Variants in SFSWAP observed in about 807,000 individuals in gnomAD.
The protein encoded by SFSWAP is splicing factor, suppressor of white-apricot homolog.
A neutral mutation model predicts 100.7 loss-of-function variants in SFSWAP; 17 were observed. That is an observed-to-expected ratio of 0.17 (90% CI 0.12 to 0.25). The LOEUF (loss-of-function observed/expected upper bound fraction) is 0.25. Among genes scored for constraint, SFSWAP ranks in the 10% least tolerant of loss-of-function variants. The pLI is 1.00. For synonymous variants in SFSWAP, 504 were observed against 510.1 expected (o/e 0.99, Z 0.16); for missense variants, 1,005 against 1,262.6 (o/e 0.80, Z 3.09).
Position 131,799,459 on chromosome 12 carries a change from T to C in SFSWAP, c.2827T>C (p.Ser943Pro). The C allele has an allele frequency of 6.2e-7, 1 of 1,614,124 alleles. No individual in the cohort carries two copies. Among genetic ancestry groups the C allele is most frequent in the Non-Finnish European group, 8.5e-7 (1 of 1,179,998 alleles). ...CAAAGTCAGAGCGATGCTTGCAGCT[T>C]CCAAAAACCTGCAAACCAGCGCTTC... Reference protein sequence around the residue: ...MAKVRAMLAASKNLQTSAS With the variant: ...MAKVRAMLAAPKNLQTSAS The change falls in exon 18 of 18, where the codon TCC becomes CCC. Residue 943 changes from serine (S) to proline (P), a missense_variant. Ser to Pro is a moderately conservative substitution (Grantham distance 74). Around this residue, in one of 7 missense-constraint regions of SFSWAP, gnomAD observed 295 missense variants for 347.9 expected, o/e 0.85. Transcript: ENST00000261674.
At chr12:131,743,383 C>T (rs925608630) in intron 7 of SFSWAP, among the ~76,000 whole-genome samples, 3 of 152,234 alleles carry the variant, frequency 2.0e-5, no homozygotes, top group Admixed American at 2.0e-4. Context: ...TGGGTAAATA[C>T]AACCGTCCAT....
chr12:131,760,684 G>T (rs1379322858), intron 11 of SFSWAP, among the ~76,000 whole-genome samples: 1 of 152,158 alleles, frequency 6.6e-6, no homozygotes, highest in Non-Finnish European at 1.5e-5. Flanking sequence ...CTTGGAAACA[G>T]TTATGGGAAA....
chr12:131,720,150 C>G (rs1047809942), intron 4 of SFSWAP, among the ~76,000 whole-genome samples: 3 of 152,152 alleles, frequency 2.0e-5, no homozygotes, highest in African/African-American at 7.2e-5. Flanking sequence ...TAAGTTATAA[C>G]AGGTGTTAAA....
chr12:131,779,771 C>CTTAT (rs1000850772), intron 14 of SFSWAP, among the ~76,000 whole-genome samples: 3 of 151,936 alleles, frequency 2.0e-5, no homozygotes, highest in Admixed American at 6.5e-5. Context: ...GCTTTCTTTA[C>CTTAT]TTATTTATTT....
intron 14 of SFSWAP, among the ~76,000 whole-genome samples, chr12:131,780,206 CGA>C (rs1185031197): frequency 1.3e-5 from 2 of 152,206 alleles, no homozygotes; most frequent in African/African-American, 4.8e-5. Context: ...TACATTTTTG[CGA>C]GTGTTTTAAA....
chr12:131,787,881 A>C (rs1245381751), intron 15 of SFSWAP, among the ~76,000 whole-genome samples: 1 of 152,230 alleles, frequency 6.6e-6, no homozygotes, highest in East Asian at 1.9e-4. Flanking sequence ...CTTAAAACAG[A>C]AAAATTAGCA....
At chr12:131,786,873 A>G (rs540922908) in intron 15 of SFSWAP, among the ~76,000 whole-genome samples, 2 of 152,274 alleles carry the variant, frequency 1.3e-5, no homozygotes, top group African/African-American at 2.4e-5. Context: ...CTGGGTCCAC[A>G]TGCAGCTGCT....
intron 3 of SFSWAP, among the ~76,000 whole-genome samples, chr12:131,715,620 C>A (rs554665869): frequency 1.3e-5 from 2 of 152,250 alleles, no homozygotes; most frequent in African/African-American, 4.8e-5. Flanking sequence ...ACTACCACAG[C>A]GCTGCATCAT....
At chr12:131,719,319 G>A (rs2136179894) in intron 3 of SFSWAP, 135 bp from the exon 4 acceptor site, 1 of 640,230 alleles carries the variant, frequency 1.6e-6, no homozygotes. Flanking sequence ...GAAAGCTGAA[G>A]ATGGCTTCTA....
chr12:131,753,133 A>T lies in SFSWAP; in HGVS notation c.1092A>T (p.Ala364=). Reference sequence around the variant, plus strand: ...AATGTGTCTCCACAGCGACCGTGGCAGCCATGTATTACAGCTACTACATGC... The same window carrying T: ...AATGTGTCTCCACAGCGACCGTGGCTGCCATGTATTACAGCTACTACATGC... The part of the protein sequence containing the change: ...QVEYTADSTV[A]AMYYSYYMLP... Residue 364 remains alanine (A), a synonymous_variant, in exon 8 of 18, where the codon GCA becomes GCT. Transcript: ENST00000261674. 1 of 1,614,186 alleles carries T rather than the reference A, an allele frequency of 6.2e-7. No individual in the cohort carries two copies. The highest frequency in any genetic ancestry group is 8.5e-7 in the Non-Finnish European group (1 of 1,180,022).
intron 8 of SFSWAP, 24 bp from the exon 9 acceptor site, chr12:131,754,344 G>A (rs1236486145): frequency 1.1e-5 from 16 of 1,500,526 alleles, no homozygotes; most frequent in African/African-American, 1.4e-5. Context: ...AAGCCCAGGG[G>A]TCTCACAGAC....
rs1879679294 is a variant in SFSWAP, at chr12:131,733,236, G to C, written c.1081+4808G>C. Among the ~76,000 whole-genome samples, 1 of 152,132 alleles carries C rather than the reference G, an allele frequency of 6.6e-6. No homozygotes were observed. Among genetic ancestry groups the C allele is most frequent in the African/African-American group, 2.4e-5 (1 of 41,426 alleles). ...CTTACTGGGCAGGTGCGTATCGTCA[G>C]GAGCTCCTCACCCTGCCCTGTGAGA... On this transcript the variant is annotated intron_variant, in intron 7 of 17. Coordinates refer to ENST00000261674, the MANE Select transcript of SFSWAP (RefSeq NM_004592.4). This position sits in a 1 kb window ranked among gnomAD's most constrained non-coding sequence, Gnocchi z 5.1.
At chr12:131,745,148 AG>A (rs1880996480) in intron 7 of SFSWAP, among the ~76,000 whole-genome samples, 1 of 152,228 alleles carries the variant, frequency 6.6e-6, no homozygotes, top group Non-Finnish European at 1.5e-5. Context: ...AATGCTTTTA[AG>A]TATTTGGGAG....
intron 7 of SFSWAP, among the ~76,000 whole-genome samples, chr12:131,740,957 CT>C (rs1354791623): frequency 2.1e-5 from 2 of 96,070 alleles, no homozygotes; most frequent in African/African-American, 3.6e-5. Context: ...CTTTTTTTTT[CT>C]TTTTTTTCTT....
intron 7 of SFSWAP, among the ~76,000 whole-genome samples, chr12:131,735,936 A>C (rs1245164626): frequency 6.6e-6 from 1 of 152,262 alleles, no homozygotes; most frequent in African/African-American, 2.4e-5. Context: ...ACATAATTAC[A>C]GTAAGTTTAA....
At chr12:131,720,723 A>G (rs541704660) in intron 4 of SFSWAP, among the ~76,000 whole-genome samples, 1 of 152,292 alleles carries the variant, frequency 6.6e-6, no homozygotes, top group African/African-American at 2.4e-5. Context: ...CATTAATCTG[A>G]TGAAGGGCAA....
Position 131,734,321 on chromosome 12 carries a change from G to T in SFSWAP, c.1081+5893G>T, listed in dbSNP as rs565418484. 2.0e-5 allele frequency among the ~76,000 whole-genome samples: 3 copies of T among 152,336 alleles called. No homozygotes were observed. The South Asian group carries it at 6.2e-4, about 32-fold the overall frequency. On this transcript the variant is annotated intron_variant, in intron 7 of 17. Transcript: ENST00000261674. This position sits in a 1 kb window ranked among gnomAD's most constrained non-coding sequence, Gnocchi z 4.9. ...GTTACAGACTTTGGATTCTTACGAAGACAAGAATGAATGTCTTGGCTAACC... is the reference window on the plus strand; with the variant it reads ...GTTACAGACTTTGGATTCTTACGAATACAAGAATGAATGTCTTGGCTAACC...
chr12:131,723,846 C>T (rs967939129), intron 4 of SFSWAP, among the ~76,000 whole-genome samples: 3 of 152,230 alleles, frequency 2.0e-5, no homozygotes, highest in African/African-American at 7.2e-5. Flanking sequence ...GGGGCTCTGT[C>T]GGCTTCCTTA....
intron 16 of SFSWAP, 23 bp from the exon 17 acceptor site, chr12:131,799,014 T>TGC (rs758798648): frequency 6.4e-7 from 1 of 1,566,940 alleles, no homozygotes; most frequent in South Asian, 1.1e-5. Context: ...TTGTAAGCTC[T>TGC]GCTCTCTCTC....
Sources: allele counts gnomAD v4.1 joint callset (sites outside exome capture counted in the v4.1 genomes callset), GRCh38; gene constraint gnomAD v4.1.1; regional missense constraint gnomAD v4.1.1; non-coding constraint Gnocchi (gnomAD v3.1); transcripts MANE v1.5; gene names NCBI Gene and HGNC (gene_info 2026-07-23, HGNC 2026-07-21).